RGS7: variants seen among roughly 807,000 people sequenced by gnomAD.
RGS7 encodes regulator of G protein signaling 7.
A neutral mutation model predicts 81.1 loss-of-function variants in RGS7; 27 were observed. The ratio of observed to expected loss-of-function variants is 0.33; its 90% CI spans 0.25 to 0.46. The LOEUF is 0.46. Among genes scored for constraint, RGS7 ranks in the 20% least tolerant of loss-of-function variants. RGS7 has a pLI of 1.00. For synonymous variants in RGS7, 208 were observed against 207.7 expected, an observed-to-expected ratio of 1.00 and a Z score of -0.01; for missense variants, 396 against 607.4, an observed-to-expected ratio of 0.65 and a Z score of 3.66.
intron 2 of RGS7, among the ~76,000 whole-genome samples, chr1:241,333,255 G>A (rs969097379): frequency 6.6e-6 from 1 of 152,198 alleles, no homozygotes; most frequent in African/African-American, 2.4e-5. Context: ...GGTTTTGATA[G>A]AGTAACACTC....
intron 3 of RGS7, among the ~76,000 whole-genome samples, chr1:241,030,233 T>C (rs2059998710): frequency 6.6e-6 from 1 of 151,820 alleles, no homozygotes; most frequent in Non-Finnish European, 1.5e-5. Context: ...TCCTTTTTCT[T>C]TTACATCAGC....
In RGS7 at chr1:241,091,526, C is replaced by T. The variant is rs181980801; in HGVS notation, c.175+7140G>A. On this transcript the variant is annotated intron_variant, in intron 3 of 18. Coordinates refer to ENST00000440928, the MANE Select transcript of RGS7 (RefSeq NM_001364886.1). ...TCACGCCACTGCACTCCAGCCTGGG[C>T]GACAGAGCGAGACTCTGTCTCAATA... 3.7e-3 allele frequency among the ~76,000 whole-genome samples: 540 copies of T among 145,340 alleles called. 6 individuals carry two copies. Among genetic ancestry groups the T allele is most frequent in the African/African-American group, 0.013 (511 of 39,134 alleles).
rs1003450504 is a variant in RGS7 at position 240,819,398 on chromosome 1, A to G, written c.685-2983T>C. ...TCTATAAGTTATCTTTTATCTCTAC[A>G]TTTCTATAATGATTTCAACATTTAT... is the stretch of plus-strand genomic sequence containing the variant. On this transcript the variant is annotated intron_variant, in intron 10 of 18. Coordinates refer to ENST00000440928, the MANE Select transcript of RGS7 (RefSeq NM_001364886.1). Among the ~76,000 whole-genome samples, 127 of 152,154 alleles carry G rather than the reference A, an allele frequency of 8.3e-4. 5 individuals carry two copies. The highest frequency in any genetic ancestry group is 2.2e-4 in the Non-Finnish European group (15 of 68,030).
chr1:241,000,678 C>G (rs1328090117), intron 3 of RGS7, among the ~76,000 whole-genome samples: 3 of 151,742 alleles, frequency 2.0e-5, no homozygotes, highest in Admixed American at 1.3e-4. Flanking sequence ...ACAGAGTCTC[C>G]CTCTGTCACC....
At chr1:241,086,876 GCGCT>G (rs1468986275) in intron 3 of RGS7, among the ~76,000 whole-genome samples, 3 of 152,080 alleles carry the variant, frequency 2.0e-5, no homozygotes, top group African/African-American at 7.2e-5. Context: ...TGTTGCACAG[GCGCT>G]CCTCTTTTCC....
intron 4 of RGS7, among the ~76,000 whole-genome samples, chr1:240,951,836 A>G (rs1183906136): frequency 6.6e-6 from 1 of 152,168 alleles, no homozygotes; most frequent in Non-Finnish European, 1.5e-5. Context: ...AAATCTACAC[A>G]TATCTTATTC....
intron 3 of RGS7, among the ~76,000 whole-genome samples, chr1:241,026,398 G>A (rs1397174394): frequency 1.3e-5 from 2 of 152,054 alleles, no homozygotes; most frequent in Non-Finnish European, 2.9e-5. Flanking sequence ...GACCAGCCTG[G>A]TCCAACATGG....
chr1:241,202,005 CACACAG>C (rs1464244926), intron 2 of RGS7, among the ~76,000 whole-genome samples: 1 of 106,804 alleles, frequency 9.4e-6, no homozygotes, highest in Non-Finnish European at 1.9e-5. Flanking sequence ...CACACAGACA[CACACAG>C]ACACACACAC....
chr1:240,958,901 T>A (rs1262236453), intron 4 of RGS7, among the ~76,000 whole-genome samples: 1 of 152,220 alleles, frequency 6.6e-6, no homozygotes, highest in East Asian at 1.9e-4. Flanking sequence ...TGTAGCTAAT[T>A]GTGTGCTGTT....
intron 4 of RGS7, among the ~76,000 whole-genome samples, chr1:240,963,210 T>C (rs1681748594): frequency 6.6e-6 from 1 of 152,148 alleles, no homozygotes; most frequent in East Asian, 1.9e-4. Context: ...GATTTGGGGA[T>C]AGAAGAATTT....
chr1:241,301,891 A>G (rs1385797689), intron 2 of RGS7, among the ~76,000 whole-genome samples: 1 of 152,234 alleles, frequency 6.6e-6, no homozygotes, highest in Non-Finnish European at 1.5e-5. Context: ...ATATACTTTA[A>G]ATGTAGTAGT....
At chr1:240,845,311 T>C (rs1374471184) in intron 9 of RGS7, among the ~76,000 whole-genome samples, 4 of 152,330 alleles carry the variant, frequency 2.6e-5, no homozygotes, top group Non-Finnish European at 2.9e-5. Context: ...AATGGACATA[T>C]ACTGCCCTTT....
chr1:240,795,077 T>C (rs963317917), intron 18 of RGS7, among the ~76,000 whole-genome samples: 2 of 151,948 alleles, frequency 1.3e-5, no homozygotes, highest in Non-Finnish European at 2.9e-5. Context: ...CCCAGTTATT[T>C]GGAGGCTGAG....
chr1:240,797,799 T>C (rs914395243), intron 18 of RGS7, among the ~76,000 whole-genome samples: 5 of 152,178 alleles, frequency 3.3e-5, no homozygotes, highest in East Asian at 1.9e-4. Flanking sequence ...TGAGAGGACA[T>C]AGTAACCCTT....
intron 2 of RGS7, among the ~76,000 whole-genome samples, chr1:241,322,720 C>T (rs1232602194): frequency 1.3e-5 from 2 of 152,152 alleles, no homozygotes; most frequent in Non-Finnish European, 2.9e-5. Context: ...ATGATAAGTA[C>T]CAACATGGTT....
At position 241,355,825 on chromosome 1, in the gene RGS7, C is replaced by T. The variant is rs1291484539; in HGVS notation, c.-49G>A. On this transcript the variant is annotated splice_region_variant and 5_prime_UTR_variant, in exon 2 of 19. Transcript: ENST00000440928. ...TCAAGATACAAGAATTATCAGTGTG[C>T]CCTGCAAAGGGTCAGAGAGACTTCA... is the stretch of plus-strand genomic sequence containing the variant. The T allele has an allele frequency of 1.3e-6, 2 of 1,508,708 alleles. No homozygotes were observed. The highest frequency in any genetic ancestry group is 9.2e-7 in the Non-Finnish European group (1 of 1,083,892). The allele number at this position is 1,508,708 out of a possible 1,614,324, so 93.5% of individuals were successfully genotyped here. A position where few individuals can be genotyped will look rare whatever the true frequency, so the allele number is the denominator to read the frequency against.
At chr1:241,055,484 T>C (rs936122787) in intron 3 of RGS7, among the ~76,000 whole-genome samples, 2 of 152,172 alleles carry the variant, frequency 1.3e-5, no homozygotes, top group Non-Finnish European at 1.5e-5. Context: ...AAGAGATGCA[T>C]AGGGTGACAC....
Position 241,064,598 on chromosome 1 carries a change from A to C in RGS7, c.175+34068T>G, listed in dbSNP as rs1319917353. Among the ~76,000 whole-genome samples, 4 of 150,150 alleles carry C rather than the reference A, an allele frequency of 2.7e-5. No individual in the cohort carries two copies. The East Asian group carries it at 8.0e-4, about 30-fold the overall frequency. On this transcript the variant is annotated intron_variant, in intron 3 of 18. Coordinates refer to ENST00000440928, the MANE Select transcript of RGS7 (RefSeq NM_001364886.1). Reference sequence around the variant, plus strand: ...CCTGACTCAAAAACAACAACAACAAAAAATACCAAACATTTGGCCAGGTGA... The same window carrying C: ...CCTGACTCAAAAACAACAACAACAACAAATACCAAACATTTGGCCAGGTGA...
intron 3 of RGS7, among the ~76,000 whole-genome samples, chr1:241,047,849 C>T (rs1394429290): frequency 6.7e-6 from 1 of 148,572 alleles, no homozygotes; most frequent in Admixed American, 6.8e-5. Flanking sequence ...AAGCAATTCT[C>T]CTGTCTCAGC....
Sources: allele counts gnomAD v4.1 joint callset (sites outside exome capture counted in the v4.1 genomes callset), GRCh38; gene constraint gnomAD v4.1.1; transcripts MANE v1.5; gene names NCBI Gene and HGNC (gene_info 2026-07-23, HGNC 2026-07-21).